GAREM1: variants seen among roughly 807,000 people sequenced by gnomAD.
The protein encoded by GAREM1 is GRB2 associated regulator of MAPK1 subtype 1.
Under a neutral mutation model 71.3 loss-of-function variants are expected in GAREM1, and 26 were observed. That is an observed-to-expected ratio of 0.36 (90% CI 0.27 to 0.51). The LOEUF is 0.51. GAREM1 is among the 20% of genes least tolerant of loss of function. The pLI, the probability that GAREM1 is intolerant of heterozygous loss-of-function variation, is 0.95. For synonymous variants in GAREM1, 440 were observed against 433.2 expected (o/e 1.02, Z -0.20); for missense variants, 1,026 against 1,103.1 (o/e 0.93, Z 0.99).
rs115000842 is a variant in GAREM1 at position 32,424,113 on chromosome 18, A to G, written c.122-31078T>C. ...ATCATGCTGCTGCGATCCAGCCCAGAGAACATAGTGAGACCCCCATCTCCC... is the reference window on the plus strand; with the variant it reads ...ATCATGCTGCTGCGATCCAGCCCAGGGAACATAGTGAGACCCCCATCTCCC... On this transcript the variant is annotated intron_variant, in intron 1 of 5. Transcript: ENST00000269209. 5.6e-3 allele frequency among the ~76,000 whole-genome samples: 845 copies of G among 152,072 alleles called. 10 individuals are homozygous for G. Among genetic ancestry groups the G allele is most frequent in the African/African-American group, 0.019 (791 of 41,472 alleles).
intron 2 of GAREM1, 72 bp from the exon 3 acceptor site, chr18:32,310,395 C>G: frequency 6.6e-7 from 1 of 1,514,868 alleles, no homozygotes; most frequent in Non-Finnish European, 9.0e-7. Flanking sequence ...CAACAACATC[C>G]TCTCTCTTTA....
chr18:32,303,933 G>A (rs372799373), intron 3 of GAREM1, among the ~76,000 whole-genome samples: 27 of 144,736 alleles, frequency 1.9e-4, no homozygotes, highest in African/African-American at 6.9e-4. Flanking sequence ...AAAGAAAGAG[G>A]GAGAGAGAGA....
chr18:32,296,447 G>GT (rs906638073), intron 3 of GAREM1, among the ~76,000 whole-genome samples: 1 of 152,084 alleles, frequency 6.6e-6, no homozygotes, highest in Non-Finnish European at 1.5e-5. Flanking sequence ...GATTTCACCA[G>GT]TTTTTTTCCC....
chr18:32,268,863 G>A (rs1464772252), intron 5 of GAREM1, 95 bp from the exon 6 acceptor site: 5 of 1,026,440 alleles, frequency 4.9e-6, no homozygotes, highest in Non-Finnish European at 7.1e-6. Context: ...GAGTAGAAAA[G>A]CGCAGTTAGT....
intron 2 of GAREM1, among the ~76,000 whole-genome samples, chr18:32,332,450 C>T (rs1035724202): frequency 1.3e-5 from 2 of 152,100 alleles, no homozygotes; most frequent in Admixed American, 6.6e-5. Context: ...TTAATTGACA[C>T]AGCAGTTAAG....
At chr18:32,338,288 G>C (rs2047617170) in intron 2 of GAREM1, among the ~76,000 whole-genome samples, 1 of 152,128 alleles carries the variant, frequency 6.6e-6, no homozygotes, top group Admixed American at 6.5e-5. Context: ...GTCTGTCTCT[G>C]TTTTTCTCTC....
At chr18:32,317,395 A>G (rs1303208186) in intron 2 of GAREM1, among the ~76,000 whole-genome samples, 1 of 139,722 alleles carries the variant, frequency 7.2e-6, no homozygotes, top group Admixed American at 7.0e-5. Flanking sequence ...CTCTGTCACA[A>G]AAAAAAAAAA....
chr18:32,345,015 T>C (rs144868925), intron 2 of GAREM1, among the ~76,000 whole-genome samples: 13,134 of 152,210 alleles, frequency 0.086, 969 homozygotes, highest in African/African-American at 0.2. Flanking sequence ...TAAGCCGAGA[T>C]TGTGCCACGG....
chr18:32,356,233 G>A lies in GAREM1; in HGVS notation c.262+36662C>T, dbSNP rs189726233. Among the ~76,000 whole-genome samples, 172 of 152,264 alleles carry A rather than the reference G, an allele frequency of 1.1e-3. 3 individuals are homozygous for A. The highest frequency in any genetic ancestry group is 3.8e-4 in the Non-Finnish European group (26 of 68,016). On this transcript the variant is annotated intron_variant, in intron 2 of 5. Coordinates refer to ENST00000269209, the MANE Select transcript of GAREM1 (RefSeq NM_001242409.2). ...GAAAATGAGTAATTCAAAATGCACT[G>A]ATAATTATATACCAGGAATATTTGA...
intron 1 of GAREM1, among the ~76,000 whole-genome samples, chr18:32,441,859 T>A (rs2048741119): frequency 6.6e-6 from 1 of 152,092 alleles, no homozygotes; most frequent in Admixed American, 6.6e-5. Context: ...AAACTTCCTA[T>A]CCCTGATGCA....
At chr18:32,369,354 A>G (rs1263736364) in intron 2 of GAREM1, among the ~76,000 whole-genome samples, 1 of 152,196 alleles carries the variant, frequency 6.6e-6, no homozygotes. Context: ...CTGTCACTTT[A>G]CCAATCTGAA....
chr18:32,445,859 C>CA (rs879702333), intron 1 of GAREM1, among the ~76,000 whole-genome samples: 17 of 149,374 alleles, frequency 1.1e-4, no homozygotes, highest in African/African-American at 2.0e-4. Flanking sequence ...ATTTTTCTGG[C>CA]AAAAAAAAAT....
intron 2 of GAREM1, among the ~76,000 whole-genome samples, chr18:32,337,947 A>G (rs982127633): frequency 4.6e-5 from 7 of 152,148 alleles, no homozygotes; most frequent in African/African-American, 1.4e-4. Context: ...TAACTAACCA[A>G]ACAAACTGGA....
chr18:32,439,938 C>G (rs2048717556), intron 1 of GAREM1, among the ~76,000 whole-genome samples: 1 of 152,070 alleles, frequency 6.6e-6, no homozygotes, highest in Non-Finnish European at 1.5e-5. Context: ...CCTCATCCCC[C>G]AGTCCCAAGA....
chr18:32,325,029 T>C (rs9961142), intron 2 of GAREM1, among the ~76,000 whole-genome samples: 1,721 of 152,270 alleles, frequency 0.011, 28 homozygotes, highest in African/African-American at 0.039. Flanking sequence ...CTTGGCTCAC[T>C]GCAACCTCCA....
At chr18:32,349,278 G>A (rs971302628) in intron 2 of GAREM1, among the ~76,000 whole-genome samples, 17 of 152,156 alleles carry the variant, frequency 1.1e-4, no homozygotes, top group Admixed American at 5.2e-4. Flanking sequence ...TAAATGAGAT[G>A]TCCATTAAAT....
At position 32,267,117 on chromosome 18, in the gene GAREM1, G is replaced by A. The variant is rs1302563233; in HGVS notation, c.*754C>T. 6.6e-6 allele frequency: 1 copy of A among 152,150 alleles called. No individual in the cohort carries two copies. The highest frequency in any genetic ancestry group is 1.5e-5 in the Non-Finnish European group (1 of 68,018). The allele number at this position is 152,150 out of a possible 1,614,324, so 9.4% of individuals were successfully genotyped here. A position where few individuals can be genotyped will look rare whatever the true frequency, so the allele number is the denominator to read the frequency against. The stretch of plus-strand genomic sequence containing the variant: ...ACAGATTGTTTAAAAGTGAACAGAT[G>A]TTATCTAAAATATCAGAATCAAAAT... On this transcript the variant is annotated 3_prime_UTR_variant, in exon 6 of 6. Transcript: ENST00000269209.
At chr18:32,321,951 G>A (rs922984095) in intron 2 of GAREM1, among the ~76,000 whole-genome samples, 1 of 152,216 alleles carries the variant, frequency 6.6e-6, no homozygotes, top group Non-Finnish European at 1.5e-5. Context: ...CATGAAGTGG[G>A]TAGGCTATAG....
chr18:32,403,280 T>C (rs1440426921), intron 1 of GAREM1, among the ~76,000 whole-genome samples: 1 of 152,136 alleles, frequency 6.6e-6, no homozygotes, highest in African/African-American at 2.4e-5. Flanking sequence ...AATGTAGTAC[T>C]ACTTACATGC....
Sources: gnomAD v4.1 joint callset for allele counts (sites outside exome capture counted in the v4.1 genomes callset) on GRCh38, gnomAD v4.1.1 for gene constraint, MANE v1.5 for transcripts, NCBI Gene and HGNC (gene_info 2026-07-23, HGNC 2026-07-21) for gene names.